ABCA5: variants seen among roughly 807,000 people sequenced by gnomAD.
ABCA5 encodes ATP binding cassette subfamily A member 5, also known as cholesterol transporter ABCA5.
Under a neutral mutation model 206.0 loss-of-function variants are expected in ABCA5, and 163 were observed. The observed-to-expected ratio is 0.79, with a 90% CI of 0.70 to 0.90. The LOEUF (loss-of-function observed/expected upper bound fraction) is 0.90. ABCA5 is among the 40% of genes least tolerant of loss of function. The probability of loss-of-function intolerance (pLI) is 0.00; values close to 1 mark genes in which losing one functional copy is unlikely to be tolerated. For synonymous variants in ABCA5, 609 were observed against 613.8 expected (o/e 0.99, Z 0.11); for missense variants, 1,859 against 1,912.9 (o/e 0.97, Z 0.53).
At chr17:69,314,726 A>G in intron 1 of ABCA5, 1 of 237,464 alleles carries the variant, frequency 4.2e-6, no homozygotes, top group East Asian at 8.6e-5. Flanking sequence ...CTCCAGAAGA[A>G]GCCTTAGCTT....
At chr17:69,299,927 G>A (rs2075634170) in intron 9 of ABCA5, among the ~76,000 whole-genome samples, 1 of 152,152 alleles carries the variant, frequency 6.6e-6, no homozygotes, top group African/African-American at 2.4e-5. Context: ...ATACTGCAAT[G>A]GTCTAGACTA....
chr17:69,308,592 A>C (rs1253868734), intron 4 of ABCA5, among the ~76,000 whole-genome samples: 1 of 152,218 alleles, frequency 6.6e-6, no homozygotes. Flanking sequence ...AATACTAAAT[A>C]GTAAATGAAT....
chr17:69,262,034 C>A (rs1206314782), intron 24 of ABCA5, among the ~76,000 whole-genome samples: 2 of 151,878 alleles, frequency 1.3e-5, no homozygotes, highest in Non-Finnish European at 2.9e-5. Flanking sequence ...TTTTATATGG[C>A]AGAAACTAAT....
intron 1 of ABCA5, chr17:69,318,946 A>C: frequency 1.6e-6 from 1 of 615,408 alleles, no homozygotes; most frequent in South Asian, 1.6e-5. Context: ...TCATGTTAGA[A>C]GCCTTGGAAC....
Position 69,291,230 on chromosome 17 carries a change from C to T in ABCA5, c.1592G>A (p.Cys531Tyr), listed in dbSNP as rs754849503. 3.8e-6 allele frequency: 6 copies of T among 1,596,040 alleles called. No homozygotes were observed. The South Asian group carries it at 6.9e-5, about 18-fold the overall frequency. Residue 531 changes from cysteine (C) to tyrosine (Y), a missense_variant, in exon 12 of 39, where the codon TGC becomes TAC. By Grantham distance (194) the Cys-to-Tyr change is radical. Transcript: ENST00000392676. ...AGAAAACTCACCATCAGAAGGTGGG[C>T]AGAGTCCACAAAGAATATTCATCAA... ...STLMNILCGL[C>Y]PPSDGFASIY...
chr17:69,251,694 A>C (rs2075015021), intron 35 of ABCA5, 53 bp downstream of exon 35: 15 of 1,552,064 alleles, frequency 9.7e-6, no homozygotes, highest in Non-Finnish European at 1.3e-5. Context: ...GATGACTTTC[A>C]AAATCCAACC....
chr17:69,295,905 T>C (rs1459788884), intron 10 of ABCA5, among the ~76,000 whole-genome samples: 4 of 152,152 alleles, frequency 2.6e-5, no homozygotes, highest in Non-Finnish European at 5.9e-5. Context: ...ACTGGTGTAG[T>C]TCAAACTTGT....
rs185253275 is a variant in ABCA5, at chr17:69,295,863, A to C, written c.1437-1150T>G. Reference sequence around the variant, plus strand: ...ACAAATCTCCAAAAAAATTTTCAATATATTTACTGAAAAAAATCCACATAT... The same window carrying C: ...ACAAATCTCCAAAAAAATTTTCAATCTATTTACTGAAAAAAATCCACATAT... On this transcript the variant is annotated intron_variant, in intron 10 of 38. Coordinates refer to ENST00000392676, the MANE Select transcript of ABCA5 (RefSeq NM_172232.4). Among the ~76,000 whole-genome samples, 5 of 152,292 alleles carry C rather than the reference A, an allele frequency of 3.3e-5. No individual in the cohort carries two copies. The East Asian group carries it at 9.6e-4, about 29-fold the overall frequency.
intron 25 of ABCA5, 97 bp from the exon 26 acceptor site, chr17:69,261,356 A>G (rs2075145144): frequency 8.8e-7 from 1 of 1,132,400 alleles, no homozygotes; most frequent in Non-Finnish European, 1.2e-6. Context: ...ATCCTCTAAT[A>G]AAACATGGAA....
At chr17:69,297,435 A>G (rs1381276551) in intron 9 of ABCA5, 76 bp from the exon 10 acceptor site, 1 of 1,367,110 alleles carries the variant, frequency 7.3e-7, no homozygotes, top group Admixed American at 2.3e-5. Context: ...CAAACATATG[A>G]CAACCTGCAT....
chr17:69,273,844 A>G, intron 20 of ABCA5, 115 bp downstream of exon 20: 1 of 965,526 alleles, frequency 1.0e-6, no homozygotes, highest in South Asian at 2.2e-5. Context: ...TTTAGATTTC[A>G]TGCAGACAGA....
intron 2 of ABCA5, among the ~76,000 whole-genome samples, chr17:69,313,513 C>G (rs2075789577): frequency 6.6e-6 from 1 of 151,906 alleles, no homozygotes; most frequent in African/African-American, 2.4e-5. Flanking sequence ...TTTAGTTTTA[C>G]TGAAATATTT....
chr17:69,320,120 T>C (rs1353293131), intron 1 of ABCA5, among the ~76,000 whole-genome samples: 1 of 152,154 alleles, frequency 6.6e-6, no homozygotes, highest in Non-Finnish European at 1.5e-5. Context: ...ATTATACACA[T>C]TGATCACGAT....
intron 28 of ABCA5, among the ~76,000 whole-genome samples, chr17:69,259,244 T>G (rs2075119157): frequency 6.6e-6 from 1 of 152,054 alleles, no homozygotes; most frequent in South Asian, 2.1e-4. Flanking sequence ...GACTACATGA[T>G]AAGCCCTCCA....
chr17:69,305,227 T>C (rs1429488623), intron 6 of ABCA5, among the ~76,000 whole-genome samples: 2 of 152,118 alleles, frequency 1.3e-5, no homozygotes, highest in Non-Finnish European at 2.9e-5. Context: ...CTATAAACAA[T>C]AAAGGCTACC....
At chr17:69,269,285 T>C (rs2075244780) in intron 22 of ABCA5, among the ~76,000 whole-genome samples, 1 of 152,176 alleles carries the variant, frequency 6.6e-6, no homozygotes, top group African/African-American at 2.4e-5. Flanking sequence ...GAAACAAGAT[T>C]GGAGAGGGGT....
intron 13 of ABCA5, among the ~76,000 whole-genome samples, chr17:69,289,568 A>G (rs1358914551): frequency 6.6e-6 from 1 of 152,152 alleles, no homozygotes; most frequent in Admixed American, 6.6e-5. Context: ...GGAAGGAATA[A>G]GAGATCACTG....
At position 69,253,844 on chromosome 17, in the gene ABCA5, C is replaced by A. The variant is rs747651434; in HGVS notation, c.4270G>T (p.Glu1424Ter). The A allele has an allele frequency of 7.4e-5, 120 of 1,612,114 alleles. No individual in the cohort carries two copies. In the Admixed American group the frequency reaches 1.1e-3, roughly 14 times the overall value. ...SRITHALDLK[E>*]HLQKTVKKLP... ...TTCTTTACAGTCTTCTGAAGATGTT[C>A]TTTTAAATCAAGTGCATGTGTTATT... The change falls in exon 33 of 39, where the codon GAA becomes TAA. Residue 1424 changes from glutamate (E) to a stop codon, truncating the protein, a stop_gained. Coordinates refer to ENST00000392676, the MANE Select transcript of ABCA5 (RefSeq NM_172232.4). LOFTEE classifies it high-confidence loss of function.
At chr17:69,250,270 CAG>C (rs2074996861) in intron 36 of ABCA5, among the ~76,000 whole-genome samples, 200 bp downstream of exon 36, 1 of 151,364 alleles carries the variant, frequency 6.6e-6, no homozygotes, top group South Asian at 2.1e-4. Context: ...GGTGATAATA[CAG>C]AGAGAGATAT....
Sources: gnomAD v4.1 joint callset for allele counts (sites outside exome capture counted in the v4.1 genomes callset) on GRCh38, gnomAD v4.1.1 for gene constraint, MANE v1.5 for transcripts, NCBI Gene and HGNC (gene_info 2026-07-23, HGNC 2026-07-21) for gene names.